Variants in HS6ST3 observed in about 807,000 individuals in gnomAD.
The protein encoded by HS6ST3 is heparan-sulfate 6-O-sulfotransferase 3.
HS6ST3 carries 12 observed loss-of-function variants against 36.7 expected under a neutral mutation model. The ratio of observed to expected loss-of-function variants is 0.33; its 90% CI spans 0.21 to 0.53. HS6ST3 has a LOEUF of 0.53. HS6ST3 is among the 20% of genes least tolerant of loss of function. The probability of loss-of-function intolerance (pLI) is 0.95; values close to 1 mark genes in which losing one functional copy is unlikely to be tolerated. For synonymous variants in HS6ST3, 240 were observed against 257.5 expected, an observed-to-expected ratio of 0.93 and a Z score of 0.65; for missense variants, 584 against 640.9, an observed-to-expected ratio of 0.91 and a Z score of 0.96.
At chr13:96,306,545 T>G (rs1241943330) in intron 1 of HS6ST3, among the ~76,000 whole-genome samples, 1 of 152,142 alleles carries the variant, frequency 6.6e-6, no homozygotes, top group Non-Finnish European at 1.5e-5. Context: ...TTGCTTCAGA[T>G]GGCCTGTATG....
chr13:96,296,364 AC>A (rs1461472085), intron 1 of HS6ST3, among the ~76,000 whole-genome samples: 1 of 152,162 alleles, frequency 6.6e-6, no homozygotes. Flanking sequence ...AGCTCCCATT[AC>A]TTCTAGCTTA....
At chr13:96,520,378 C>G (rs548696825) in intron 1 of HS6ST3, among the ~76,000 whole-genome samples, 1 of 152,062 alleles carries the variant, frequency 6.6e-6, no homozygotes, top group Non-Finnish European at 1.5e-5. Flanking sequence ...ATAGTTTTTT[C>G]CAATTCTGTG....
rs74107121 is a variant in HS6ST3, at chr13:96,691,937, C to G, written c.708-140553C>G. On this transcript the variant is annotated intron_variant, in intron 1 of 1. Transcript: ENST00000376705. The stretch of plus-strand genomic sequence containing the variant: ...ACAATGCACGTTCAAGGACATACAA[C>G]TTACACGTGAGAGAAACAGCATTCA... 8.8e-3 allele frequency among the ~76,000 whole-genome samples: 1,336 copies of G among 152,206 alleles called. 25 individuals are homozygous for G. Among genetic ancestry groups the G allele is most frequent in the African/African-American group, 0.03 (1,247 of 41,540 alleles).
Position 96,354,162 on chromosome 13 carries a change from C to G in HS6ST3, c.707+262593C>G, listed in dbSNP as rs377671947. Among the ~76,000 whole-genome samples the G allele has an allele frequency of 2.3e-4, 35 of 152,266 alleles. No homozygotes were observed. The East Asian group carries it at 6.0e-3, about 26-fold the overall frequency. On this transcript the variant is annotated intron_variant, in intron 1 of 1. Coordinates refer to ENST00000376705, the MANE Select transcript of HS6ST3 (RefSeq NM_153456.4). ...GGTTAAGTAACTTATGGTATAACTA[C>G]ACAGTGAAAAACTATGCATGTATTT...
In HS6ST3 at chr13:96,829,487, C is replaced by G. The variant is rs184611226; in HGVS notation, c.708-3003C>G. 5.1e-4 allele frequency among the ~76,000 whole-genome samples: 77 copies of G among 152,222 alleles called. 1 individual carries two copies. Among genetic ancestry groups the G allele is most frequent in the African/African-American group, 1.7e-3 (69 of 41,518 alleles). On this transcript the variant is annotated intron_variant, in intron 1 of 1. Transcript: ENST00000376705. The stretch of plus-strand genomic sequence containing the variant: ...CTGATCCTCTCCCTCCTCGCACCCC[C>G]CAACTTCTGATAGGCCCCAGTGTCT...
intron 1 of HS6ST3, among the ~76,000 whole-genome samples, chr13:96,790,042 C>T (rs1877745620): frequency 6.6e-6 from 1 of 151,806 alleles, no homozygotes; most frequent in South Asian, 2.1e-4. Flanking sequence ...ATTCTAATAA[C>T]TCAAATACTT....
intron 1 of HS6ST3, among the ~76,000 whole-genome samples, chr13:96,770,901 A>G (rs936647148): frequency 1.3e-5 from 2 of 152,218 alleles, no homozygotes; most frequent in Non-Finnish European, 2.9e-5. Context: ...GTCCATTGGC[A>G]CAATGGCTTT....
chr13:96,233,467 T>C (rs1403575530), intron 1 of HS6ST3, among the ~76,000 whole-genome samples: 1 of 152,094 alleles, frequency 6.6e-6, no homozygotes, highest in South Asian at 2.1e-4. Context: ...ATTCATTTTA[T>C]TATAAAGGGT....
intron 1 of HS6ST3, among the ~76,000 whole-genome samples, chr13:96,517,614 T>C (rs376006275): frequency 6.6e-5 from 10 of 152,300 alleles, no homozygotes; most frequent in Admixed American, 2.0e-4. Context: ...TTAACTTTTA[T>C]TTTAGGCTTG....
intron 1 of HS6ST3, among the ~76,000 whole-genome samples, chr13:96,772,935 T>TGTTGATCAATGCAGAA (rs1877299345): frequency 6.7e-6 from 1 of 149,868 alleles, no homozygotes; most frequent in Non-Finnish European, 1.5e-5. Flanking sequence ...ACACAGAAGG[T>TGTTGATCAATGCAGAA]GGGTGATTTC....
At chr13:96,208,199 G>T (rs1439286182) in intron 1 of HS6ST3, among the ~76,000 whole-genome samples, 1 of 152,054 alleles carries the variant, frequency 6.6e-6, no homozygotes, top group East Asian at 1.9e-4. Context: ...CCAACACTCA[G>T]TCATGATCAA....
rs60430769 is a variant in HS6ST3, at chr13:96,274,839, TCACACACACACACACACACACACACA to T, written c.707+183300_707+183325del. On this transcript the variant is annotated intron_variant, in intron 1 of 1. Coordinates refer to ENST00000376705, the MANE Select transcript of HS6ST3 (RefSeq NM_153456.4). ...ATCAGTGATTAGCTAACTTAGTCCT[TCACACACACACACACACACACACACA>T]CACACACACACACACACACACACAC... is the stretch of plus-strand genomic sequence containing the variant. Among the ~76,000 whole-genome samples, 12 of 126,182 alleles carry T rather than the reference TCACACACACACACACACACACACACA, an allele frequency of 9.5e-5. No individual in the cohort carries two copies. The East Asian group carries it at 1.5e-3, about 16-fold the overall frequency. The allele number at this position is 126,182 out of a possible 152,430, so 82.8% of individuals were successfully genotyped here.
rs556803758 is a variant in HS6ST3, at chr13:96,329,402, A to C, written c.707+237833A>C. Among the ~76,000 whole-genome samples the C allele has an allele frequency of 3.5e-4, 45 of 130,038 alleles. 5 individuals carry two copies. In the South Asian group the frequency reaches 5.9e-3, roughly 17 times the overall value. The allele number at this position is 130,038 out of a possible 152,430, so 85.3% of individuals were successfully genotyped here. A position where few individuals can be genotyped will look rare whatever the true frequency, so the allele number is the denominator to read the frequency against. On this transcript the variant is annotated intron_variant, in intron 1 of 1. Transcript: ENST00000376705. ...TTGTGTCTTTGTTCTCATTGGTTTC[A>C]AAGAACATCTTTATTTCTGCCTTCA...
Position 96,490,840 on chromosome 13 carries a change from A to C in HS6ST3, c.708-341650A>C, listed in dbSNP as rs189044606. Among the ~76,000 whole-genome samples, 366 of 152,344 alleles carry C rather than the reference A, an allele frequency of 2.4e-3. 1 individual carries two copies. The highest frequency in any genetic ancestry group is 3.9e-3 in the Non-Finnish European group (263 of 68,028). ...TTCTATTATTGTATTACCACCGGCT[A>C]TGCTGCTTCACATCTTAGAGCATAC... On this transcript the variant is annotated intron_variant, in intron 1 of 1. Coordinates refer to ENST00000376705, the MANE Select transcript of HS6ST3 (RefSeq NM_153456.4).
intron 1 of HS6ST3, among the ~76,000 whole-genome samples, chr13:96,198,703 C>T (rs1275420474): frequency 6.6e-6 from 1 of 152,196 alleles, no homozygotes; most frequent in Non-Finnish European, 1.5e-5. Flanking sequence ...GAGACCAACT[C>T]AGCCTGGGCC....
intron 1 of HS6ST3, among the ~76,000 whole-genome samples, chr13:96,439,311 A>T (rs1053450186): frequency 2.6e-5 from 4 of 152,230 alleles, no homozygotes; most frequent in African/African-American, 9.6e-5. Flanking sequence ...GTATTTCTAA[A>T]AGTATAAAAA....
At chr13:96,552,337 A>T (rs905148477) in intron 1 of HS6ST3, among the ~76,000 whole-genome samples, 3 of 152,160 alleles carry the variant, frequency 2.0e-5, no homozygotes, top group African/African-American at 7.2e-5. Flanking sequence ...GATTTATAAG[A>T]TCAACACAGG....
At chr13:96,142,385 A>G (rs1007993555) in intron 1 of HS6ST3, among the ~76,000 whole-genome samples, 4 of 152,212 alleles carry the variant, frequency 2.6e-5, no homozygotes, top group Admixed American at 6.5e-5. Flanking sequence ...CACTTTTCCC[A>G]AAGAACTAAC....
At chr13:96,447,905 A>G (rs1397849997) in intron 1 of HS6ST3, among the ~76,000 whole-genome samples, 1 of 152,036 alleles carries the variant, frequency 6.6e-6, no homozygotes, top group African/African-American at 2.4e-5. Flanking sequence ...CGCTCCTTAA[A>G]ACCACTCCAT....
Sources: gnomAD v4.1 joint callset for allele counts (sites outside exome capture counted in the v4.1 genomes callset) on GRCh38, gnomAD v4.1.1 for gene constraint, MANE v1.5 for transcripts, NCBI Gene and HGNC (gene_info 2026-07-23, HGNC 2026-07-21) for gene names.